The following CDH13 variants were observed in gnomAD, a reference collection of about 807,000 sequenced individuals.
CDH13 encodes cadherin 13.
In CDH13, 24 loss-of-function variants were observed where a neutral mutation model predicts 63.8. The ratio of observed to expected loss-of-function variants is 0.38; its 90% CI spans 0.27 to 0.53. CDH13 has a LOEUF of 0.53. CDH13 is among the 20% of genes least tolerant of loss of function. The pLI, the probability that CDH13 is intolerant of heterozygous loss-of-function variation, is 0.85. For missense variants in CDH13, 1,049 were observed against 903.1 expected, an observed-to-expected ratio of 1.16 and a Z score of -2.07; for synonymous variants, 503 against 355.3, an observed-to-expected ratio of 1.42 and a Z score of -4.67.
intron 8 of CDH13, among the ~76,000 whole-genome samples, chr16:83,644,943 G>T (rs982590946): frequency 2.0e-5 from 3 of 152,202 alleles, no homozygotes; most frequent in Non-Finnish European, 4.4e-5. Flanking sequence ...CAGGAGGGAG[G>T]TGCTAAATAT....
chr16:82,907,975 G>T (rs1038421833), intron 2 of CDH13, among the ~76,000 whole-genome samples: 6 of 152,036 alleles, frequency 3.9e-5, no homozygotes, highest in Non-Finnish European at 8.8e-5. Context: ...ATATACTGGT[G>T]CTTCTGCCCT....
chr16:83,610,752 A>G (rs1156409201), intron 8 of CDH13, among the ~76,000 whole-genome samples: 1 of 152,158 alleles, frequency 6.6e-6, no homozygotes, highest in Non-Finnish European at 1.5e-5. Flanking sequence ...TTTGGGGATA[A>G]TTTAGGTAAT....
intron 6 of CDH13, among the ~76,000 whole-genome samples, chr16:83,377,599 C>T (rs1156535683): frequency 6.6e-6 from 1 of 152,160 alleles, no homozygotes; most frequent in African/African-American, 2.4e-5. Flanking sequence ...CAACCACAGG[C>T]CATAAATGTA....
chr16:82,741,310 C>A (rs2033922285), intron 1 of CDH13, among the ~76,000 whole-genome samples: 1 of 152,180 alleles, frequency 6.6e-6, no homozygotes, highest in African/African-American at 2.4e-5. Context: ...TTTGCTGGGA[C>A]ACTCTCTTTT....
chr16:83,368,887 TATATATATATATATATATATATATATA>T (rs1567622075), intron 6 of CDH13, among the ~76,000 whole-genome samples: 1,259 of 37,990 alleles, frequency 0.033, 121 homozygotes, highest in East Asian at 0.14. Context: ...TTCCATGTTA[TATATATATATATATATATATATATATA>T]TATATATATA....
intron 11 of CDH13, among the ~76,000 whole-genome samples, chr16:83,777,374 T>C (rs1215437580): frequency 6.6e-6 from 1 of 152,200 alleles, no homozygotes; most frequent in Non-Finnish European, 1.5e-5. Flanking sequence ...CCCCATGACT[T>C]TGCATGTAGA....
rs143697246 is a variant in CDH13 at position 83,088,419 on chromosome 16, G to A, written c.367-36966G>A. 1.1e-4 allele frequency among the ~76,000 whole-genome samples: 17 copies of A among 152,240 alleles called. No individual in the cohort carries two copies. The East Asian group carries it at 1.7e-3, about 16-fold the overall frequency. On this transcript the variant is annotated intron_variant, in intron 3 of 13. Transcript: ENST00000567109. ...GCAATCCCCTTTATTTTCCTGTAAC[G>A]TTTTTGTGTTTCCAGGTGACAGTTG... is the stretch of plus-strand genomic sequence containing the variant.
chr16:82,775,275 T>A (rs552318759), intron 1 of CDH13, among the ~76,000 whole-genome samples: 2 of 152,326 alleles, frequency 1.3e-5, no homozygotes, highest in South Asian at 4.1e-4. Flanking sequence ...AATCATGATA[T>A]ACAAGAAAGT....
intron 6 of CDH13, among the ~76,000 whole-genome samples, chr16:83,441,029 A>G (rs1186742504): frequency 6.6e-6 from 1 of 152,232 alleles, no homozygotes; most frequent in Non-Finnish European, 1.5e-5. Flanking sequence ...AATATATTTA[A>G]GGATGCTTGT....
At chr16:82,858,668 C>T (rs2039805284) in intron 2 of CDH13, 195 bp downstream of exon 2, 2 of 622,386 alleles carry the variant, frequency 3.2e-6, no homozygotes, top group Middle Eastern at 4.2e-4. Flanking sequence ...GAGTGATATG[C>T]ATCTCTTTTT....
chr16:83,049,320 G>C (rs559410251), intron 3 of CDH13, among the ~76,000 whole-genome samples: 12 of 136,270 alleles, frequency 8.8e-5, no homozygotes, highest in Middle Eastern at 3.9e-3. Flanking sequence ...ATTTATGACT[G>C]GCCTCTTTTT....
At chr16:83,382,164 C>G (rs1457916483) in intron 6 of CDH13, among the ~76,000 whole-genome samples, 1 of 152,122 alleles carries the variant, frequency 6.6e-6, no homozygotes, top group African/African-American at 2.4e-5. Flanking sequence ...ATACTAATTC[C>G]TCCACCATAG....
chr16:83,352,618 C>A (rs992302715), intron 6 of CDH13, among the ~76,000 whole-genome samples: 1 of 152,194 alleles, frequency 6.6e-6, no homozygotes, highest in Admixed American at 6.5e-5. Context: ...CAGCCGGGTG[C>A]GGTGGCTCAC....
chr16:83,615,087 G>C (rs530933336), intron 8 of CDH13, among the ~76,000 whole-genome samples: 3 of 152,282 alleles, frequency 2.0e-5, no homozygotes, highest in Non-Finnish European at 4.4e-5. Flanking sequence ...TATGAAGTTA[G>C]AAGACACACC....
intron 13 of CDH13, among the ~76,000 whole-genome samples, chr16:83,788,396 C>G (rs993497845): frequency 1.3e-5 from 2 of 151,754 alleles, no homozygotes; most frequent in Non-Finnish European, 2.9e-5. Context: ...TATTTTTATA[C>G]AATATTTTTA....
At chr16:82,845,867 G>C (rs144915163) in intron 1 of CDH13, among the ~76,000 whole-genome samples, 9 of 152,290 alleles carry the variant, frequency 5.9e-5, no homozygotes, top group Non-Finnish European at 1.3e-4. Flanking sequence ...TCCCAGTGTA[G>C]TAACTTAAAT....
intron 1 of CDH13, among the ~76,000 whole-genome samples, chr16:82,800,810 G>T (rs2036816210): frequency 6.6e-6 from 1 of 152,190 alleles, no homozygotes; most frequent in Non-Finnish European, 1.5e-5. Flanking sequence ...AGTCTCAGAT[G>T]AGAAATCTGG....
chr16:83,254,330 A>G (rs1281600040), intron 5 of CDH13, among the ~76,000 whole-genome samples: 2 of 152,186 alleles, frequency 1.3e-5, no homozygotes, highest in Non-Finnish European at 2.9e-5. Context: ...TCATGGTGCC[A>G]AGGTCCTCTT....
chr16:83,203,727 A>T (rs1047160198), intron 4 of CDH13, among the ~76,000 whole-genome samples: 1 of 152,008 alleles, frequency 6.6e-6, no homozygotes, highest in Admixed American at 6.6e-5. Context: ...CTAATAAAAA[A>T]ATTTGGTTTA....
Sources: gnomAD v4.1 joint callset for allele counts (sites outside exome capture counted in the v4.1 genomes callset) on GRCh38, gnomAD v4.1.1 for gene constraint, MANE v1.5 for transcripts, NCBI Gene and HGNC (gene_info 2026-07-23, HGNC 2026-07-21) for gene names.